The following CERS3 variants were observed in gnomAD, a reference collection of about 807,000 sequenced individuals.
CERS3 encodes the protein ceramide synthase 3.
In CERS3, 33 loss-of-function variants were observed where a neutral mutation model predicts 50.3. The observed-to-expected ratio is 0.66, with a 90% CI of 0.50 to 0.88. CERS3 has a LOEUF of 0.88. Ranked by LOEUF, CERS3 falls within the 40% of genes least tolerant of loss-of-function variation. The pLI is 0.00. For missense variants in CERS3, 470 were observed against 460.3 expected, an observed-to-expected ratio of 1.02 and a Z score of -0.19; for synonymous variants, 176 against 155.2, an observed-to-expected ratio of 1.13 and a Z score of -0.99.
At chr15:100,537,081 C>T (rs1450735681) in intron 1 of CERS3, among the ~76,000 whole-genome samples, 1 of 152,224 alleles carries the variant, frequency 6.6e-6, no homozygotes, top group Non-Finnish European at 1.5e-5. Flanking sequence ...TCCTACCCTG[C>T]CACTTGCTAA....
intron 11 of CERS3, among the ~76,000 whole-genome samples, chr15:100,421,415 T>C (rs2032415645): frequency 6.6e-6 from 1 of 151,960 alleles, no homozygotes; most frequent in Non-Finnish European, 1.5e-5. Flanking sequence ...TACAAACCAC[T>C]GCTCAAGGAA....
chr15:100,428,777 G>A (rs879392021), intron 11 of CERS3, among the ~76,000 whole-genome samples: 6 of 152,196 alleles, frequency 3.9e-5, no homozygotes, highest in South Asian at 2.1e-4. Flanking sequence ...GAAATACATC[G>A]TTACAGGTTT....
chr15:100,469,255 A>G, intron 10 of CERS3, 123 bp downstream of exon 10: 1 of 670,088 alleles, frequency 1.5e-6, no homozygotes, highest in Non-Finnish European at 2.7e-6. Context: ...CTTTTCTCCA[A>G]CTGCACTTGA....
At chr15:100,449,607 T>C (rs910545552) in intron 11 of CERS3, among the ~76,000 whole-genome samples, 4 of 152,056 alleles carry the variant, frequency 2.6e-5, no homozygotes, top group East Asian at 1.9e-4. Flanking sequence ...CCTGAGCCAA[T>C]GAAAAATTCA....
intron 2 of CERS3, among the ~76,000 whole-genome samples, chr15:100,505,101 T>C (rs2587783): frequency 0.81 from 123,365 of 152,104 alleles, 50,951 homozygotes; most frequent in East Asian, 0.93. Context: ...ATTTTTTTCC[T>C]AGAAGTTTGC....
intron 11 of CERS3, among the ~76,000 whole-genome samples, chr15:100,447,972 G>T (rs1338964356): frequency 6.6e-6 from 1 of 152,168 alleles, no homozygotes; most frequent in South Asian, 2.1e-4. Flanking sequence ...TAATCAATTT[G>T]TTATTATTTA....
At chr15:100,464,069 T>C (rs987511775) in intron 10 of CERS3, among the ~76,000 whole-genome samples, 1 of 152,176 alleles carries the variant, frequency 6.6e-6, no homozygotes, top group Non-Finnish European at 1.5e-5. Context: ...CCCTTTCACA[T>C]GTGGACTTCC....
At chr15:100,460,136 C>T (rs2034503190) in intron 10 of CERS3, among the ~76,000 whole-genome samples, 1 of 152,102 alleles carries the variant, frequency 6.6e-6, no homozygotes, top group Non-Finnish European at 1.5e-5. Context: ...TTATTTTATA[C>T]TTTGCATACA....
At chr15:100,471,675 G>A (rs527942411) in intron 9 of CERS3, among the ~76,000 whole-genome samples, 28 of 152,252 alleles carry the variant, frequency 1.8e-4, no homozygotes, top group African/African-American at 6.0e-4. Context: ...AGAAAAAAAC[G>A]GCACAATCCT....
intron 11 of CERS3, among the ~76,000 whole-genome samples, chr15:100,421,223 A>C (rs1208049809): frequency 2.7e-5 from 4 of 150,914 alleles, no homozygotes; most frequent in African/African-American, 9.8e-5. Context: ...CTGATAAGCA[A>C]CTTCAGCAAA....
rs150739556 is a variant in CERS3, at chr15:100,543,482, G to GCTTCCTTC, written c.-355+1161_-355+1168dup. Among the ~76,000 whole-genome samples the GCTTCCTTC allele has an allele frequency of 3.7e-4, 55 of 149,958 alleles. No homozygotes were observed. In the East Asian group the frequency reaches 5.7e-3, roughly 16 times the overall value. ...CTCTGAACTATGACCACAAGAGAAG[G>GCTTCCTTC]CTTCCTTCCTTCCTTCCTTCCCTCC... On this transcript the variant is annotated intron_variant, in intron 1 of 12. Transcript: ENST00000284382.
At chr15:100,480,755 C>T (rs1222902622) in intron 5 of CERS3, among the ~76,000 whole-genome samples, 1 of 152,100 alleles carries the variant, frequency 6.6e-6, no homozygotes, top group Admixed American at 6.6e-5. Context: ...TGCAATTATG[C>T]TGAAAATAAA....
At chr15:100,500,351 G>T (rs1962713) in intron 3 of CERS3, 7 of 151,994 alleles carry the variant, frequency 4.6e-5, no homozygotes, top group African/African-American at 1.7e-4. Context: ...AGAGAGGGTT[G>T]GATTCCTTCC....
intron 9 of CERS3, among the ~76,000 whole-genome samples, chr15:100,469,817 A>C (rs1401246490): frequency 6.6e-6 from 1 of 152,190 alleles, no homozygotes; most frequent in Non-Finnish European, 1.5e-5. Context: ...CATGCACTTC[A>C]TGTGGGCATT....
intron 11 of CERS3, chr15:100,425,967 C>T (rs1215965270): frequency 1.3e-5 from 2 of 152,268 alleles, no homozygotes; most frequent in East Asian, 1.9e-4. Flanking sequence ...GCACCTCCCA[C>T]TTCGCTCTCT....
intron 11 of CERS3, among the ~76,000 whole-genome samples, chr15:100,433,385 C>CATAT (rs1337834136): frequency 6.6e-6 from 1 of 151,846 alleles, no homozygotes; most frequent in Non-Finnish European, 1.5e-5. Context: ...TCAACATGAA[C>CATAT]ATATAGCTTC....
chr15:100,441,554 C>A (rs2142153359), intron 11 of CERS3, among the ~76,000 whole-genome samples: 1 of 152,140 alleles, frequency 6.6e-6, no homozygotes, highest in Middle Eastern at 3.4e-3. Context: ...TCCATTCCCC[C>A]TTCTTCTCCC....
At position 100,401,072 on chromosome 15, in the gene CERS3, A is replaced by G. The variant is rs1054591895; in HGVS notation, c.*1641T>C. 2.0e-5 allele frequency: 3 copies of G among 152,218 alleles called. No individual in the cohort carries two copies. The highest frequency in any genetic ancestry group is 7.2e-5 in the African/African-American group (3 of 41,454). The allele number at this position is 152,218 out of a possible 1,614,324, so 9.4% of individuals were successfully genotyped here. On this transcript the variant is annotated 3_prime_UTR_variant, in exon 12 of 12. Coordinates refer to ENST00000679737, the MANE Select transcript of CERS3 (RefSeq NM_001378789.1). ...ATGTATATTTTTATTTAAAAATAAC[A>G]ATAACGCAGTCTGTTCTGTGCAGTG...
At chr15:100,427,188 C>G (rs1157391771) in intron 11 of CERS3, among the ~76,000 whole-genome samples, 1 of 152,086 alleles carries the variant, frequency 6.6e-6, no homozygotes, top group African/African-American at 2.4e-5. Flanking sequence ...GACATACGGT[C>G]CTCTGCAGCA....
Sources: gnomAD v4.1 joint callset for allele counts (sites outside exome capture counted in the v4.1 genomes callset) on GRCh38, gnomAD v4.1.1 for gene constraint, MANE v1.5 for transcripts, NCBI Gene and HGNC (gene_info 2026-07-23, HGNC 2026-07-21) for gene names.